AGL: variants seen among roughly 807,000 people sequenced by gnomAD.
AGL encodes the protein amylo-alpha-1,6-glucosidase and 4-alpha-glucanotransferase.
A neutral mutation model predicts 199.3 loss-of-function variants in AGL; 128 were observed. The observed-to-expected ratio is 0.64, with a 90% CI of 0.56 to 0.74. AGL has a LOEUF of 0.74. AGL is among the 30% of genes least tolerant of loss of function. AGL has a pLI of 0.00. For missense variants in AGL, 1,809 were observed against 1,820.8 expected (o/e 0.99, Z 0.12); for synonymous variants, 584 against 594.7 (o/e 0.98, Z 0.26).
intron 2 of AGL, among the ~76,000 whole-genome samples, chr1:99,855,924 G>T (rs927003822): frequency 6.6e-6 from 1 of 152,102 alleles, no homozygotes; most frequent in Non-Finnish European, 1.5e-5. Flanking sequence ...TAGACATAAA[G>T]GTTCTTTGAT....
intron 14 of AGL, 131 bp from the exon 15 acceptor site, chr1:99,880,941 TTTAC>T (rs1651964542): frequency 7.9e-7 from 1 of 1,266,698 alleles, no homozygotes; most frequent in Admixed American, 1.8e-5. Context: ...TTCAGAATGT[TTTAC>T]TTGTTTAAAA....
At position 99,901,762 on chromosome 1, in the gene AGL, G is replaced by A. The variant is rs535397691; in HGVS notation, c.3588+901G>A. Reference sequence around the variant, plus strand: ...TGTTAATAGTTTGTTATATATGATTGGGGGGGCTGGGAGGGGATAGTAGCT... The same window carrying A: ...TGTTAATAGTTTGTTATATATGATTAGGGGGGCTGGGAGGGGATAGTAGCT... On this transcript the variant is annotated intron_variant, in intron 26 of 33. Coordinates refer to ENST00000361915, the MANE Select transcript of AGL (RefSeq NM_000642.3). 2.2e-4 allele frequency among the ~76,000 whole-genome samples: 33 copies of A among 147,908 alleles called. No homozygotes were observed. The South Asian group carries it at 4.8e-3, about 22-fold the overall frequency.
chr1:99,863,674 C>T (rs528005375), intron 4 of AGL, among the ~76,000 whole-genome samples: 4 of 151,560 alleles, frequency 2.6e-5, no homozygotes, highest in Non-Finnish European at 5.9e-5. Context: ...TGGTCTCGAT[C>T]TCCTGACCTC....
At chr1:99,870,921 A>G (rs374128693) in intron 7 of AGL, 52 bp downstream of exon 7, 1 of 1,137,754 alleles carries the variant, frequency 8.8e-7, no homozygotes. Flanking sequence ...ATGTAATATT[A>G]TAAAGGGAAA....
chr1:99,859,188 G>C (rs553448673), intron 2 of AGL, among the ~76,000 whole-genome samples: 1 of 152,266 alleles, frequency 6.6e-6, no homozygotes, highest in East Asian at 1.9e-4. Context: ...AGTCATTCTT[G>C]TGAGATGTAA....
At chr1:99,861,297 CT>C in intron 2 of AGL, 2 of 1,428,566 alleles carry the variant, frequency 1.4e-6, no homozygotes, top group South Asian at 3.0e-5. Context: ...GAGCAGACAG[CT>C]CTATGATGTT....
intron 16 of AGL, 22 bp from the exon 17 acceptor site, chr1:99,881,519 A>G (rs573767795): frequency 3.1e-5 from 50 of 1,613,920 alleles, no homozygotes; most frequent in African/African-American, 1.7e-4. Context: ...GAGCTAATCT[A>G]GTTGTTCTTT....
intron 5 of AGL, among the ~76,000 whole-genome samples, chr1:99,869,144 C>A (rs527770741): frequency 6.6e-6 from 1 of 152,214 alleles, no homozygotes; most frequent in East Asian, 1.9e-4. Context: ...ATTTTTTATA[C>A]GTGAAAATCC....
Position 99,891,737 on chromosome 1 carries a change from A to G in AGL, c.3081A>G (p.Ser1027=). ...TLLDTAWKQM[S]SFVQNGSTFV... ...TGGATACAGCATGGAAGCAGATGTC[A>G]AGGTATATCCAACAAAGCTTGAATA... The change falls in exon 23 of 34, where the codon TCA becomes TCG. Residue 1027 remains serine (S), a splice_region_variant and synonymous_variant. Transcript: ENST00000361915. 1.2e-6 allele frequency: 2 copies of G among 1,613,436 alleles called. No homozygotes were observed. The highest frequency in any genetic ancestry group is 1.7e-6 in the Non-Finnish European group (2 of 1,179,532).
chr1:99,919,640 T>A (rs1655379876), intron 33 of AGL, among the ~76,000 whole-genome samples: 1 of 152,244 alleles, frequency 6.6e-6, no homozygotes, highest in South Asian at 2.1e-4. Flanking sequence ...CTATGTGTGT[T>A]GAAAACCTGA....
Position 99,891,162 on chromosome 1 carries a change from A to G in AGL, c.2813-58A>G, listed in dbSNP as rs1336543448. On this transcript the variant is annotated intron_variant, in intron 21 of 33. Coordinates refer to ENST00000361915, the MANE Select transcript of AGL (RefSeq NM_000642.3). Reference sequence around the variant, plus strand: ...AGACTAGCAGAATAGGGACTAGAGGATATAGGAACAAATTGATGCTACCAA... The same window carrying G: ...AGACTAGCAGAATAGGGACTAGAGGGTATAGGAACAAATTGATGCTACCAA... 11 of 1,606,994 alleles carry G rather than the reference A, an allele frequency of 6.8e-6. No homozygotes were observed. In the Admixed American group the frequency reaches 1.5e-4, roughly 22 times the overall value.
chr1:99,852,818 G>T, intron 2 of AGL: 1 of 745,184 alleles, frequency 1.3e-6, no homozygotes, highest in Non-Finnish European at 2.5e-6. Flanking sequence ...GCATTGATAT[G>T]AATCACTCCA....
Position 99,852,478 on chromosome 1 carries a change from T to A in AGL, c.82+1354T>A, listed in dbSNP as rs146547795. On this transcript the variant is annotated intron_variant, in intron 2 of 33. Transcript: ENST00000361915. ...TCAACTTCCTGGGCTCAAGCAGTTCTCCTGCCTCAGCCTCCCAAGTAGCTG... is the reference window on the plus strand; with the variant it reads ...TCAACTTCCTGGGCTCAAGCAGTTCACCTGCCTCAGCCTCCCAAGTAGCTG... 2.0e-3 allele frequency: 1,139 copies of A among 569,050 alleles called. 9 individuals carry two copies. Among genetic ancestry groups the A allele is most frequent in the African/African-American group, 0.02 (1,043 of 52,572 alleles). The allele number at this position is 569,050 out of a possible 1,614,324, so 35.3% of individuals were successfully genotyped here. A position where few individuals can be genotyped will look rare whatever the true frequency, so the allele number is the denominator to read the frequency against.
chr1:99,880,339 A>C (rs1557762969), intron 13 of AGL, among the ~76,000 whole-genome samples: 2 of 152,178 alleles, frequency 1.3e-5, no homozygotes, highest in African/African-American at 4.8e-5. Flanking sequence ...TTCATCTTCT[A>C]CTGGGAGATA....
In AGL at chr1:99,881,416, A is replaced by C; in HGVS notation, c.2126A>C (p.His709Pro). 4 of 1,614,122 alleles carry C rather than the reference A, an allele frequency of 2.5e-6. No homozygotes were observed. Among genetic ancestry groups the C allele is most frequent in the Non-Finnish European group, 1.7e-6 (2 of 1,179,992 alleles). ...GCCAGGTGTGCTATCAGTAAACTTC[A>C]TCAGGAGCTTGGAGCCAAGGGTTTT... ...IAARCAISKL[H>P]QELGAKGFIQ... The change falls in exon 16 of 34, where the codon CAT (histidine) becomes CCT (proline). Residue 709 changes from histidine (H) to proline (P), a missense_variant. Transcript: ENST00000361915.
chr1:99,898,338 G>A (rs1306879654), intron 25 of AGL, among the ~76,000 whole-genome samples: 3 of 152,054 alleles, frequency 2.0e-5, no homozygotes, highest in Non-Finnish European at 4.4e-5. Flanking sequence ...GAGCCACTGC[G>A]CCCTACCAGA....
intron 25 of AGL, among the ~76,000 whole-genome samples, chr1:99,898,332 C>A (rs1653509356): frequency 6.6e-6 from 1 of 152,176 alleles, no homozygotes; most frequent in Admixed American, 6.5e-5. Flanking sequence ...AGGCGTGAGC[C>A]ACTGCGCCCT....
At chr1:99,911,804 G>A (rs1051803661) in intron 28 of AGL, among the ~76,000 whole-genome samples, 16 of 152,116 alleles carry the variant, frequency 1.1e-4, no homozygotes, top group Non-Finnish European at 2.2e-4. Context: ...ACTGGGTGTG[G>A]TAGCTGACGT....
At chr1:99,874,935 TCTA>T (rs1176727282) in intron 8 of AGL, 125 bp downstream of exon 8, 9 of 1,261,978 alleles carry the variant, frequency 7.1e-6, no homozygotes, top group Admixed American at 2.1e-5. Context: ...TCACTGTAAT[TCTA>T]CTATTTCAGC....
Sources: gnomAD v4.1 joint callset for allele counts (sites outside exome capture counted in the v4.1 genomes callset) on GRCh38, gnomAD v4.1.1 for gene constraint, MANE v1.5 for transcripts, NCBI Gene and HGNC (gene_info 2026-07-23, HGNC 2026-07-21) for gene names.